FBXW7: variants seen among roughly 807,000 people sequenced by gnomAD.
The protein encoded by FBXW7 is F-box/WD repeat-containing protein 7.
Under a neutral mutation model 86.3 loss-of-function variants are expected in FBXW7, and 11 were observed. The observed-to-expected ratio is 0.13, with a 90% CI of 0.08 to 0.21. FBXW7 has a LOEUF of 0.21. Ranked by LOEUF, FBXW7 falls within the 10% of genes least tolerant of loss-of-function variation. FBXW7 has a pLI of 1.00. For missense variants in FBXW7, 488 were observed against 847.4 expected, an observed-to-expected ratio of 0.58 and a Z score of 5.27; for synonymous variants, 313 against 297.9, an observed-to-expected ratio of 1.05 and a Z score of -0.52.
intron 2 of FBXW7, among the ~76,000 whole-genome samples, chr4:152,438,450 G>A (rs1485822879): frequency 6.6e-6 from 1 of 152,104 alleles, no homozygotes; most frequent in Non-Finnish European, 1.5e-5. Context: ...GGCCAAGCCA[G>A]GTGGATCACT....
intron 2 of FBXW7, among the ~76,000 whole-genome samples, chr4:152,456,360 T>TAAAA (rs58250889): frequency 6.9e-5 from 5 of 72,116 alleles, no homozygotes; most frequent in Non-Finnish European, 1.1e-4. Context: ...AAAAAATCCT[T>TAAAA]AAAAAAAAAA....
chr4:152,399,996 C>T (rs958141993), intron 4 of FBXW7, among the ~76,000 whole-genome samples: 1 of 152,076 alleles, frequency 6.6e-6, no homozygotes, highest in Non-Finnish European at 1.5e-5. Flanking sequence ...ATAGCCAAAA[C>T]GATACTGAAG....
chr4:152,365,657 T>G (rs987991956), intron 4 of FBXW7, among the ~76,000 whole-genome samples: 2 of 152,162 alleles, frequency 1.3e-5, no homozygotes, highest in Admixed American at 6.6e-5. Flanking sequence ...GGTTGTTTTT[T>G]GTTTTCTGGG....
chr4:152,462,295 C>T (rs751120037), intron 2 of FBXW7, among the ~76,000 whole-genome samples: 4 of 152,190 alleles, frequency 2.6e-5, no homozygotes, highest in Non-Finnish European at 5.9e-5. Context: ...AGCTGTTGGC[C>T]ACGCAAATTG....
intron 2 of FBXW7, among the ~76,000 whole-genome samples, chr4:152,428,526 G>A (rs1349306595): frequency 1.3e-5 from 2 of 152,288 alleles, no homozygotes; most frequent in Non-Finnish European, 1.5e-5. Flanking sequence ...AGATTCAAGG[G>A]ACTACTTTTA....
rs1231184524 is a variant in FBXW7 at position 152,321,394 on chromosome 4, A to G, written c.*1487T>C. 8.6e-6 allele frequency: 2 copies of G among 232,882 alleles called. No homozygotes were observed. The highest frequency in any genetic ancestry group is 4.4e-5 in the African/African-American group (2 of 45,312). The allele number at this position is 232,882 out of a possible 1,614,324, so 14.4% of individuals were successfully genotyped here. A position where few individuals can be genotyped will look rare whatever the true frequency, so the allele number is the denominator to read the frequency against. ...GGTTGTTACATAACTAAAATTAACC[A>G]ACTTGAATCTGATTGTTTTAAATCA... On this transcript the variant is annotated 3_prime_UTR_variant, in exon 14 of 14. Coordinates refer to ENST00000281708, the MANE Select transcript of FBXW7 (RefSeq NM_001349798.2).
Position 152,462,677 on chromosome 4 carries a change from T to A in FBXW7, c.-119-50148A>T, listed in dbSNP as rs573168717. 2.0e-5 allele frequency among the ~76,000 whole-genome samples: 3 copies of A among 152,362 alleles called. No individual in the cohort carries two copies. The South Asian group carries it at 6.2e-4, about 32-fold the overall frequency. On this transcript the variant is annotated intron_variant, in intron 2 of 13. Coordinates refer to ENST00000281708, the MANE Select transcript of FBXW7 (RefSeq NM_001349798.2). ...TCTGGCTTTGCTTTTTTGGTTACTT[T>A]CCATGGCTTTTAAAACAGTTAAAGT...
chr4:152,407,593 G>C (rs948319228), intron 4 of FBXW7, among the ~76,000 whole-genome samples: 6 of 152,184 alleles, frequency 3.9e-5, no homozygotes, highest in Non-Finnish European at 7.3e-5. Flanking sequence ...GAGGTGGTTG[G>C]AGAATGGCGG....
At chr4:152,386,594 ATTAT>A (rs1054864318) in intron 4 of FBXW7, among the ~76,000 whole-genome samples, 4 of 152,096 alleles carry the variant, frequency 2.6e-5, no homozygotes, top group Non-Finnish European at 5.9e-5. Context: ...TTTAAAACAT[ATTAT>A]TTGTAAGTTT....
At chr4:152,368,970 C>CA in intron 4 of FBXW7, among the ~76,000 whole-genome samples, 1 of 152,108 alleles carries the variant, frequency 6.6e-6, no homozygotes, top group East Asian at 1.9e-4. Context: ...ATCACATTAA[C>CA]TTTTTATGCA....
intron 2 of FBXW7, chr4:152,530,767 A>T (rs1206014525): frequency 6.6e-6 from 1 of 152,256 alleles, no homozygotes; most frequent in Non-Finnish European, 1.5e-5. Context: ...TGTCTATACC[A>T]GGAGTCCAAA....
At chr4:152,378,552 A>G (rs1734768597) in intron 4 of FBXW7, among the ~76,000 whole-genome samples, 1 of 152,214 alleles carries the variant, frequency 6.6e-6, no homozygotes, top group South Asian at 2.1e-4. Context: ...AGTCCCAAAT[A>G]AACCAACAAT....
At chr4:152,367,617 T>G (rs565991318) in intron 4 of FBXW7, among the ~76,000 whole-genome samples, 4 of 152,272 alleles carry the variant, frequency 2.6e-5, no homozygotes, top group African/African-American at 7.2e-5. Flanking sequence ...ATAGATACAT[T>G]TCTGGGCATA....
At chr4:152,460,634 A>T (rs187765627) in intron 2 of FBXW7, among the ~76,000 whole-genome samples, 2 of 152,322 alleles carry the variant, frequency 1.3e-5, no homozygotes, top group African/African-American at 4.8e-5. Context: ...TACCATATCC[A>T]TGGCTAGAGG....
At chr4:152,332,537 T>A in intron 8 of FBXW7, 59 bp downstream of exon 8, 2 of 1,412,018 alleles carry the variant, frequency 1.4e-6, no homozygotes, top group Non-Finnish European at 1.9e-6. Context: ...CTACTTGTTT[T>A]CAGAATCACT....
intron 2 of FBXW7, among the ~76,000 whole-genome samples, chr4:152,414,844 C>CA (rs960877746): frequency 5.3e-5 from 8 of 151,868 alleles, no homozygotes; most frequent in Non-Finnish European, 4.4e-5. Context: ...TTTTGCTCTT[C>CA]AAAAAAATTT....
chr4:152,535,600 C>G lies in FBXW7; in HGVS notation c.-686G>C. On this transcript the variant is annotated 5_prime_UTR_variant, in exon 1 of 14. Coordinates refer to ENST00000281708, the MANE Select transcript of FBXW7 (RefSeq NM_001349798.2). The stretch of plus-strand genomic sequence containing the variant: ...CCGAGTCGGCGGCAAGGCGAGGGAC[C>G]CGGCCGGCTCCGCTCGGCGCCGCCC... The G allele has an allele frequency of 2.5e-6, 1 of 397,092 alleles. No homozygotes were observed. 24.6% of individuals were successfully genotyped at this position (397,092 alleles called of 1,614,324 possible).
intron 4 of FBXW7, among the ~76,000 whole-genome samples, chr4:152,381,889 C>T (rs1735109271): frequency 6.6e-6 from 1 of 152,006 alleles, no homozygotes; most frequent in Non-Finnish European, 1.5e-5. Flanking sequence ...ATTTACAGTG[C>T]TAATATTTGT....
chr4:152,342,942 C>A (rs1042364040), intron 6 of FBXW7, among the ~76,000 whole-genome samples: 4 of 152,116 alleles, frequency 2.6e-5, no homozygotes, highest in African/African-American at 9.7e-5. Flanking sequence ...CACTGTGTCC[C>A]AAATACAATT....
Sources: gnomAD v4.1 joint callset for allele counts (sites outside exome capture counted in the v4.1 genomes callset) on GRCh38, gnomAD v4.1.1 for gene constraint, MANE v1.5 for transcripts, NCBI Gene and HGNC (gene_info 2026-07-23, HGNC 2026-07-21) for gene names.